Variants in OCA2 observed in about 807,000 individuals in gnomAD.
The protein encoded by OCA2 is OCA2 melanosomal transmembrane protein, also known as P protein.
In OCA2, 77 loss-of-function variants were observed where a neutral mutation model predicts 100.2. The ratio of observed to expected loss-of-function variants is 0.77; its 90% CI spans 0.64 to 0.93. The LOEUF is 0.93. Among genes scored for constraint, OCA2 ranks in the 40% least tolerant of loss-of-function variants. The pLI, the probability that OCA2 is intolerant of heterozygous loss-of-function variation, is 0.00. For missense variants in OCA2, 1,062 were observed against 1,089.1 expected (o/e 0.98, Z 0.35); for synonymous variants, 432 against 439.2 (o/e 0.98, Z 0.21).
chr15:28,029,379 GA>G (rs1205929733), intron 3 of OCA2, among the ~76,000 whole-genome samples: 2 of 152,024 alleles, frequency 1.3e-5, no homozygotes, highest in African/African-American at 2.4e-5. Flanking sequence ...ACCAACTGCT[GA>G]AAAAAACACA....
chr15:28,009,842 A>C lies in OCA2; in HGVS notation c.1044+4934T>G, dbSNP rs571823097. Among the ~76,000 whole-genome samples the C allele has an allele frequency of 2.0e-5, 3 of 152,340 alleles. No homozygotes were observed. In the East Asian group the frequency reaches 5.8e-4, roughly 29 times the overall value. ...GAAAATCTATAATATCTAGAATTTAAACAACACACATCTAAATAATCTATG... is the reference window on the plus strand; with the variant it reads ...GAAAATCTATAATATCTAGAATTTACACAACACACATCTAAATAATCTATG... On this transcript the variant is annotated intron_variant, in intron 9 of 23. Transcript: ENST00000354638.
At chr15:27,984,967 T>A in intron 13 of OCA2, 97 bp downstream of exon 13, 1 of 1,469,624 alleles carries the variant, frequency 6.8e-7, no homozygotes. Flanking sequence ...CACCTTTTCA[T>A]GCACCTGAGA....
intron 18 of OCA2, among the ~76,000 whole-genome samples, chr15:27,943,220 G>A (rs1209202748): frequency 6.6e-6 from 1 of 152,076 alleles, no homozygotes; most frequent in Non-Finnish European, 1.5e-5. Context: ...GCATGAAGGG[G>A]GTCAGCCGTG....
At chr15:27,820,525 A>G (rs1368006647) in intron 23 of OCA2, among the ~76,000 whole-genome samples, 1 of 152,246 alleles carries the variant, frequency 6.6e-6, no homozygotes, top group African/African-American at 2.4e-5. Context: ...GATAGACCTC[A>G]AAACTGTCAA....
Position 27,845,046 on chromosome 15 carries a change from C to T in OCA2, c.2345G>A (p.Gly782Glu), listed in dbSNP as rs2035482080. The change falls in exon 23 of 24, where the codon GGG (glycine) becomes GAG (glutamate). Residue 782 changes from glycine (G) to glutamate (E), a missense_variant. Physicochemically the swap from Gly to Glu is moderately conservative, Grantham distance 98. Transcript: ENST00000354638. ...GTTTGCCGACGCGCCAATCAGTGTC[C>T]CGTTACCTAAAGTCAAAATTTAAAA... ...LAFGACLGGN[G>E]TLIGASANVV... 6.2e-7 allele frequency: 1 copy of T among 1,613,380 alleles called. No individual in the cohort carries two copies. Among genetic ancestry groups the T allele is most frequent in the African/African-American group, 1.3e-5 (1 of 74,968 alleles).
At chr15:27,856,604 G>A (rs1010010026) in intron 21 of OCA2, among the ~76,000 whole-genome samples, 8 of 151,972 alleles carry the variant, frequency 5.3e-5, no homozygotes, top group Non-Finnish European at 1.0e-4. Context: ...CAGCACAGAG[G>A]CTGGCCATTG....
At chr15:27,981,170 C>T (rs1222038442) in intron 14 of OCA2, among the ~76,000 whole-genome samples, 1 of 152,164 alleles carries the variant, frequency 6.6e-6, no homozygotes, top group Non-Finnish European at 1.5e-5. Flanking sequence ...TTGTAATGTT[C>T]ATGTCTAGAT....
chr15:28,086,730 T>C (rs2044782439), intron 1 of OCA2, among the ~76,000 whole-genome samples: 1 of 151,868 alleles, frequency 6.6e-6, no homozygotes, highest in African/African-American at 2.4e-5. Context: ...TTGAAACAAA[T>C]GAAACACAGA....
intron 14 of OCA2, among the ~76,000 whole-genome samples, chr15:27,968,704 C>T (rs4778219): frequency 0.18 from 27,418 of 152,068 alleles, 3,891 homozygotes; most frequent in East Asian, 0.84. Context: ...CAGTTACCGG[C>T]ACATCCAATG....
intron 2 of OCA2, among the ~76,000 whole-genome samples, chr15:28,045,014 GATA>G (rs933465058): frequency 6.6e-6 from 1 of 151,932 alleles, no homozygotes; most frequent in African/African-American, 2.4e-5. Context: ...TTTTAATCGA[GATA>G]ATAAGTCCAT....
intron 2 of OCA2, among the ~76,000 whole-genome samples, chr15:28,070,354 A>G: frequency 7.6e-6 from 1 of 131,250 alleles, no homozygotes; most frequent in African/African-American, 3.1e-5. Context: ...CCCGTCCGGG[A>G]GGTGAGGGGC....
At chr15:28,003,812 G>A (rs1333827836) in intron 9 of OCA2, among the ~76,000 whole-genome samples, 1 of 152,224 alleles carries the variant, frequency 6.6e-6, no homozygotes, top group East Asian at 1.9e-4. Context: ...CTCGATCTGG[G>A]TGCTCTGAAG....
chr15:27,833,650 A>C (rs1196239214), intron 23 of OCA2, among the ~76,000 whole-genome samples: 3 of 152,270 alleles, frequency 2.0e-5, no homozygotes, highest in Non-Finnish European at 4.4e-5. Flanking sequence ...ACATAAAAGC[A>C]ATCATTTAGG....
chr15:27,927,434 T>C (rs1024017775), intron 18 of OCA2, among the ~76,000 whole-genome samples: 1 of 152,244 alleles, frequency 6.6e-6, no homozygotes, highest in Non-Finnish European at 1.5e-5. Context: ...TTCCAGTGTC[T>C]GGCTATTTCA....
intron 19 of OCA2, chr15:27,896,119 C>A (rs929078311): frequency 4.4e-5 from 47 of 1,079,346 alleles, no homozygotes; most frequent in Non-Finnish European, 6.5e-5. Context: ...AGTGCCTTTA[C>A]CTGCTATATG....
chr15:27,758,911 A>G (rs1191835839), intron 23 of OCA2, among the ~76,000 whole-genome samples: 1 of 152,200 alleles, frequency 6.6e-6, no homozygotes, highest in African/African-American at 2.4e-5. Context: ...TCAAAGAAAT[A>G]ATGATTAAAA....
At chr15:27,902,085 T>C (rs1645866689) in intron 19 of OCA2, among the ~76,000 whole-genome samples, 1 of 152,208 alleles carries the variant, frequency 6.6e-6, no homozygotes, top group African/African-American at 2.4e-5. Flanking sequence ...CTGATGGAAA[T>C]TCCATCATCA....
intron 6 of OCA2, among the ~76,000 whole-genome samples, chr15:28,021,727 G>T (rs957169651): frequency 3.4e-4 from 52 of 152,182 alleles, no homozygotes; most frequent in African/African-American, 1.2e-3. Flanking sequence ...AAGGAGCAAA[G>T]GCCTTCATTT....
chr15:28,018,997 C>T (rs749218011), intron 6 of OCA2, among the ~76,000 whole-genome samples: 5 of 152,164 alleles, frequency 3.3e-5, no homozygotes, highest in Non-Finnish European at 7.4e-5. Context: ...TGTCAAGCAA[C>T]GCTTATATGA....
Sources: allele counts gnomAD v4.1 joint callset (sites outside exome capture counted in the v4.1 genomes callset), GRCh38; gene constraint gnomAD v4.1.1; transcripts MANE v1.5; gene names NCBI Gene and HGNC (gene_info 2026-07-23, HGNC 2026-07-21).